Variants in FRS2 observed in about 807,000 individuals in gnomAD.
FRS2 encodes fibroblast growth factor receptor substrate 2, also known as FGFR signalling adaptor.
In FRS2, 8 loss-of-function variants were observed where a neutral mutation model predicts 43.9. That is an observed-to-expected ratio of 0.18 (90% confidence interval 0.11 to 0.33). The LOEUF (loss-of-function observed/expected upper bound fraction) is 0.33, where lower values mean the gene tolerates loss of function less well. FRS2 is among the 10% of genes least tolerant of loss of function. The pLI, the probability that FRS2 is intolerant of heterozygous loss-of-function variation, is 1.00. For synonymous variants in FRS2, 219 were observed against 220.3 expected (o/e 0.99, Z 0.05); for missense variants, 534 against 627.6 (o/e 0.85, Z 1.59).
intron 3 of FRS2, among the ~76,000 whole-genome samples, chr12:69,552,612 T>G (rs1671062511): frequency 6.6e-6 from 1 of 152,132 alleles, no homozygotes; most frequent in Non-Finnish European, 1.5e-5. Context: ...ATCCTAGGTA[T>G]CTTATTACAG....
chr12:69,499,042 T>C (rs1873190251), intron 1 of FRS2, among the ~76,000 whole-genome samples: 2 of 152,168 alleles, frequency 1.3e-5, no homozygotes, highest in East Asian at 1.9e-4. Context: ...GATGGAAATA[T>C]TACTTGAGCA....
At chr12:69,528,663 T>A (rs1876499911) in intron 1 of FRS2, among the ~76,000 whole-genome samples, 1 of 152,206 alleles carries the variant, frequency 6.6e-6, no homozygotes, top group Admixed American at 6.5e-5. Flanking sequence ...CAAAGAAAGA[T>A]CTAAAAATTG....
chr12:69,557,601 T>TGTGTGC (rs1157726570), intron 3 of FRS2, among the ~76,000 whole-genome samples: 1 of 120,192 alleles, frequency 8.3e-6, no homozygotes, highest in African/African-American at 3.9e-5. Flanking sequence ...TGATTGTGTG[T>TGTGTGC]GTGTGTGTGT....
At chr12:69,487,133 T>C (rs1248938788) in intron 1 of FRS2, among the ~76,000 whole-genome samples, 1 of 152,252 alleles carries the variant, frequency 6.6e-6, no homozygotes, top group East Asian at 1.9e-4. Flanking sequence ...ACCAGAACCA[T>C]AGGCCTGAGC....
chr12:69,540,333 G>GC (rs201211086), intron 3 of FRS2, among the ~76,000 whole-genome samples: 69 of 146,414 alleles, frequency 4.7e-4, no homozygotes, highest in Admixed American at 2.5e-3. Context: ...ATCTTGTAGT[G>GC]CCAAAAAAAA....
At chr12:69,486,750 T>C (rs879828824) in intron 1 of FRS2, among the ~76,000 whole-genome samples, 1 of 152,230 alleles carries the variant, frequency 6.6e-6, no homozygotes, top group Admixed American at 6.5e-5. Context: ...GAAAGTCTTA[T>C]TGCTGGTATG....
intron 5 of FRS2, among the ~76,000 whole-genome samples, chr12:69,569,598 A>G (rs1261579871): frequency 9.2e-5 from 14 of 152,224 alleles, no homozygotes. Context: ...ATCTGTTACA[A>G]AGAATAGCCT....
rs561320067 is a variant in FRS2, at chr12:69,536,820, C to T, written c.-122+4764C>T. 9.9e-5 allele frequency among the ~76,000 whole-genome samples: 15 copies of T among 152,208 alleles called. No homozygotes were observed. The East Asian group carries it at 2.7e-3, about 27-fold the overall frequency. ...CTGGACTCAAGTGTTCCTACTGCCT[C>T]AGCCTCCCAAAGTGTTGGAATTACA... On this transcript the variant is annotated intron_variant, in intron 3 of 8. Transcript: ENST00000549921.
chr12:69,531,399 T>C (rs1162147176), intron 2 of FRS2, among the ~76,000 whole-genome samples: 2 of 152,164 alleles, frequency 1.3e-5, no homozygotes, highest in Non-Finnish European at 2.9e-5. Context: ...TAGTACAAAT[T>C]CTACCATACA....
At chr12:69,556,629 A>G (rs1879381718) in intron 3 of FRS2, among the ~76,000 whole-genome samples, 1 of 152,196 alleles carries the variant, frequency 6.6e-6, no homozygotes. Context: ...GCTTTTGCTT[A>G]CTTTTCTGTT....
intron 1 of FRS2, among the ~76,000 whole-genome samples, chr12:69,488,856 A>T (rs1014945091): frequency 6.6e-6 from 1 of 152,196 alleles, no homozygotes; most frequent in Non-Finnish European, 1.5e-5. Flanking sequence ...GCTCTTATTA[A>T]GCATTAAGTG....
intron 1 of FRS2, among the ~76,000 whole-genome samples, chr12:69,483,817 A>T (rs141447043): frequency 6.6e-6 from 1 of 152,172 alleles, no homozygotes; most frequent in East Asian, 1.9e-4. Flanking sequence ...GAGTCAAAGG[A>T]TATGAGAGTT....
Position 69,575,645 on chromosome 12 carries a change from A to C in FRS2, c.*690A>C, listed in dbSNP as rs888620231. On this transcript the variant is annotated 3_prime_UTR_variant, in exon 9 of 9. Coordinates refer to ENST00000549921, the MANE Select transcript of FRS2 (RefSeq NM_001278356.2). ...TTTGAAGGGCATGTCCAGATATCTTAAAATTATAATAGGCTCAAGAATCAG... is the reference window on the plus strand; with the variant it reads ...TTTGAAGGGCATGTCCAGATATCTTCAAATTATAATAGGCTCAAGAATCAG... The C allele has an allele frequency of 6.6e-6, 1 of 152,658 alleles. No homozygotes were observed. The allele number at this position is 152,658 out of a possible 1,614,324, so 9.5% of individuals were successfully genotyped here. A position where few individuals can be genotyped will look rare whatever the true frequency, so the allele number is the denominator to read the frequency against.
rs907412394 is a variant in FRS2, at chr12:69,540,775, G to A, written c.-122+8719G>A. On this transcript the variant is annotated intron_variant, in intron 3 of 8. Transcript: ENST00000549921. ...CACAGTGGAGAAACCTGACAGCCAG[G>A]TAGGTTGTCAGGGGTAACATCAACA... 3.3e-5 allele frequency among the ~76,000 whole-genome samples: 5 copies of A among 152,198 alleles called. No homozygotes were observed. The South Asian group carries it at 8.3e-4, about 25-fold the overall frequency.
At chr12:69,558,810 C>CT (rs1719353990) in intron 3 of FRS2, among the ~76,000 whole-genome samples, 1 of 152,164 alleles carries the variant, frequency 6.6e-6, no homozygotes, top group African/African-American at 2.4e-5. Context: ...TGTCCTTTAT[C>CT]TTTATTTCTA....
intron 1 of FRS2, among the ~76,000 whole-genome samples, chr12:69,470,907 C>A (rs934626543): frequency 2.6e-5 from 4 of 152,124 alleles, no homozygotes; most frequent in African/African-American, 9.7e-5. Context: ...CAGACTCAAT[C>A]TTGGGCTCCA....
chr12:69,478,936 T>C (rs1871103973), intron 1 of FRS2, among the ~76,000 whole-genome samples: 1 of 152,096 alleles, frequency 6.6e-6, no homozygotes, highest in African/African-American at 2.4e-5. Flanking sequence ...TGTTTTAATT[T>C]TATATGAATG....
intron 1 of FRS2, among the ~76,000 whole-genome samples, chr12:69,484,657 A>G (rs1871665298): frequency 1.3e-5 from 2 of 152,128 alleles, no homozygotes; most frequent in Non-Finnish European, 2.9e-5. Flanking sequence ...GTCACTTTCA[A>G]GTGCCTAGTC....
At chr12:69,557,617 TGTGCGCGCGCGCGCGCGC>T (rs1879487898) in intron 3 of FRS2, among the ~76,000 whole-genome samples, 1 of 117,040 alleles carries the variant, frequency 8.5e-6, no homozygotes, top group Non-Finnish European at 1.7e-5. Flanking sequence ...TGTGTGTGTG[TGTGCGCGCGCGCGCGCGC>T]GCAGGTGCAT....
Sources: allele counts gnomAD v4.1 joint callset (sites outside exome capture counted in the v4.1 genomes callset), GRCh38; gene constraint gnomAD v4.1.1; transcripts MANE v1.5; gene names NCBI Gene and HGNC (gene_info 2026-07-23, HGNC 2026-07-21).